The following RGS5 variants were observed in gnomAD, a reference collection of about 807,000 sequenced individuals.
RGS5 encodes the protein regulator of G protein signaling 5.
Under a neutral mutation model 18.9 loss-of-function variants are expected in RGS5, and 20 were observed. The ratio of observed to expected loss-of-function variants is 1.06; its 90% CI spans 0.74 to 1.54. The LOEUF (loss-of-function observed/expected upper bound fraction) is 1.54, where lower values mean the gene tolerates loss of function less well. Ranked by LOEUF, RGS5 falls within the 40% of genes most tolerant of loss-of-function variation. The probability of loss-of-function intolerance (pLI) is 0.00; values close to 1 mark genes in which losing one functional copy is unlikely to be tolerated. For synonymous variants in RGS5, 57 were observed against 76.2 expected (o/e 0.75, Z 1.31); for missense variants, 201 against 211.8 (o/e 0.95, Z 0.32).
chr1:163,162,312 A>G (rs1219933729), intron 2 of RGS5, among the ~76,000 whole-genome samples: 3 of 152,170 alleles, frequency 2.0e-5, no homozygotes, highest in African/African-American at 7.2e-5. Context: ...TTTTCCAAAT[A>G]TAACTTCATG....
chr1:163,158,352 C>A (rs1269272966), intron 3 of RGS5, among the ~76,000 whole-genome samples: 1 of 152,076 alleles, frequency 6.6e-6, no homozygotes. Context: ...GAAGCAGAGA[C>A]AGATAAAGAA....
rs184082462 is a variant in RGS5, at chr1:163,310,553, C to T, written c.-377-4224G>A. ...TTGCGCGACTGCACTCCAGCCTGGG[C>T]GACAGAGCAAGACTCCGTCTCAAAA... On this transcript the variant is annotated intron_variant, in intron 1 of 5. Coordinates refer to the RGS5 transcript ENST00000618415. Among the ~76,000 whole-genome samples, 35 of 132,536 alleles carry T rather than the reference C, an allele frequency of 2.6e-4. No individual in the cohort carries two copies. The East Asian group carries it at 7.4e-3, about 28-fold the overall frequency. The allele number at this position is 132,536 out of a possible 152,430, so 86.9% of individuals were successfully genotyped here.
intron 3 of RGS5, among the ~76,000 whole-genome samples, chr1:163,158,705 T>A (rs1277202596): frequency 6.6e-6 from 1 of 152,104 alleles, no homozygotes; most frequent in Admixed American, 6.5e-5. Context: ...CAGGGCAAGA[T>A]CACAGGACCA....
At chr1:163,308,069 C>A (rs1649753557) in intron 1 of RGS5, among the ~76,000 whole-genome samples, 1 of 152,190 alleles carries the variant, frequency 6.6e-6, no homozygotes, top group Non-Finnish European at 1.5e-5. Flanking sequence ...CCCAGAGATC[C>A]TGATTCAGTT....
chr1:163,189,645 G>A (rs1413280876), intron 1 of RGS5, among the ~76,000 whole-genome samples: 1 of 152,192 alleles, frequency 6.6e-6, no homozygotes, highest in East Asian at 1.9e-4. Context: ...AAAGCCAGAA[G>A]ACTAAGATTA....
Position 163,291,679 on chromosome 1 carries a change from A to C in RGS5, c.-281+14554T>G, listed in dbSNP as rs1198214793. On this transcript the variant is annotated intron_variant, in intron 2 of 5. Transcript: ENST00000618415. ...ACCAACCACTCCTGTGGCCCCACCC[A>C]GAAGTGGCTCAGTGAAAGAGGCCAG... 5.3e-5 allele frequency among the ~76,000 whole-genome samples: 8 copies of C among 152,236 alleles called. No homozygotes were observed. The East Asian group carries it at 1.5e-3, about 29-fold the overall frequency.
intron 2 of RGS5, among the ~76,000 whole-genome samples, chr1:163,286,412 T>C (rs1649148119): frequency 6.7e-6 from 1 of 149,914 alleles, no homozygotes; most frequent in Non-Finnish European, 1.5e-5. Flanking sequence ...ATCATGTAAT[T>C]ACATATGTAA....
chr1:163,263,992 C>G (rs920322842), intron 2 of RGS5, among the ~76,000 whole-genome samples: 1 of 151,852 alleles, frequency 6.6e-6, no homozygotes, highest in African/African-American at 2.4e-5. Context: ...CTTGGAGCAG[C>G]TGAGGGGAGT....
chr1:163,229,076 T>G (rs2101683184), intron 2 of RGS5, among the ~76,000 whole-genome samples: 1 of 152,306 alleles, frequency 6.6e-6, no homozygotes, highest in East Asian at 1.9e-4. Flanking sequence ...ATTTCCAAAT[T>G]TTTTAGTATC....
At chr1:163,259,501 G>A (rs1291103568) in intron 2 of RGS5, among the ~76,000 whole-genome samples, 1 of 152,052 alleles carries the variant, frequency 6.6e-6, no homozygotes, top group Non-Finnish European at 1.5e-5. Flanking sequence ...CAGTCCCTGA[G>A]GAAAGACAGA....
intron 1 of RGS5, among the ~76,000 whole-genome samples, chr1:163,171,298 A>G (rs964743414): frequency 2.6e-5 from 4 of 152,194 alleles, no homozygotes; most frequent in Admixed American, 6.5e-5. Context: ...GTGCAGTATT[A>G]CAGTCAGAGA....
chr1:163,199,144 C>T (rs115832178), intron 1 of RGS5, among the ~76,000 whole-genome samples: 149 of 152,216 alleles, frequency 9.8e-4, no homozygotes, highest in African/African-American at 3.3e-3. Context: ...ATTAAATTGA[C>T]GCGACTCTTT....
chr1:163,258,241 A>G (rs1648330993), intron 2 of RGS5, among the ~76,000 whole-genome samples: 1 of 152,234 alleles, frequency 6.6e-6, no homozygotes, highest in Non-Finnish European at 1.5e-5. Context: ...TCTTCTGGGA[A>G]AACCACAGCT....
intron 2 of RGS5, among the ~76,000 whole-genome samples, chr1:163,166,094 G>A (rs1224880252): frequency 8.6e-6 from 1 of 115,816 alleles, no homozygotes; most frequent in Non-Finnish European, 1.7e-5. Context: ...GTCAGTAAAA[G>A]TAAGAGAAAG....
Position 163,161,941 on chromosome 1 carries a change from G to T in RGS5, c.191C>A (p.Ser64Tyr), listed in dbSNP as rs1324830436. Residue 64 changes from serine to tyrosine, a missense_variant, in exon 3 of 5, where the codon TCC becomes TAC. By Grantham distance (144) the Ser-to-Tyr change is moderately radical. Coordinates refer to ENST00000313961, the MANE Select transcript of RGS5 (RefSeq NM_003617.4). ...SLDEALQWRDSLDKLLQNNYG... is the reference protein window; with the variant it reads ...SLDEALQWRDYLDKLLQNNYG... ...GTTGTTCTGCAGGAGTTTGTCCAGG[G>T]AATCACGCCACTGCAGGGCCTCGTC... 2 of 1,613,178 alleles carry T rather than the reference G, an allele frequency of 1.2e-6. No homozygotes were observed. The highest frequency in any genetic ancestry group is 1.7e-6 in the Non-Finnish European group (2 of 1,179,384).
chr1:163,228,029 G>C (rs934282728), intron 2 of RGS5, among the ~76,000 whole-genome samples: 2 of 152,224 alleles, frequency 1.3e-5, no homozygotes, highest in African/African-American at 4.8e-5. Flanking sequence ...GCTTTCACAG[G>C]GGGGCATTGA....
rs142330200 is a variant in RGS5 at position 163,300,887 on chromosome 1, C to T, written c.-281+5346G>A. ...GCTGTGCACTTACCAAGTGTATTGA[C>T]TCTGAATACAAAGTGAGAATAAATC... On this transcript the variant is annotated intron_variant, in intron 2 of 5. Coordinates refer to the RGS5 transcript ENST00000618415. 3.6e-3 allele frequency among the ~76,000 whole-genome samples: 550 copies of T among 152,262 alleles called. 2 individuals are homozygous for T. Among genetic ancestry groups the T allele is most frequent in the Non-Finnish European group, 6.2e-3 (424 of 68,024 alleles).
chr1:163,164,588 A>G (rs1657963069), intron 2 of RGS5, among the ~76,000 whole-genome samples: 2 of 152,166 alleles, frequency 1.3e-5, no homozygotes, highest in Non-Finnish European at 2.9e-5. Context: ...ATTTCACCCT[A>G]TCCTGTGGTG....
At chr1:163,184,211 A>G (rs1349593727) in intron 1 of RGS5, among the ~76,000 whole-genome samples, 1 of 152,136 alleles carries the variant, frequency 6.6e-6, no homozygotes. Context: ...GGCTGAGTAC[A>G]CTTTTCTAGA....
Sources: allele counts gnomAD v4.1 joint callset (sites outside exome capture counted in the v4.1 genomes callset), GRCh38; gene constraint gnomAD v4.1.1; transcripts MANE v1.5; gene names NCBI Gene and HGNC (gene_info 2026-07-23, HGNC 2026-07-21).